The following TRIM54 variants were observed in gnomAD, a reference collection of about 807,000 sequenced individuals.
TRIM54 encodes the protein tripartite motif-containing protein 54.
Under a neutral mutation model 42.0 loss-of-function variants are expected in TRIM54, and 40 were observed. The observed-to-expected ratio is 0.95, with a 90% CI of 0.74 to 1.24. TRIM54 has a LOEUF of 1.24. TRIM54 is among the 50% of genes most tolerant of loss of function. The pLI, the probability that TRIM54 is intolerant of heterozygous loss-of-function variation, is 0.00. For missense variants in TRIM54, 485 were observed against 480.3 expected (o/e 1.01, Z -0.09); for synonymous variants, 199 against 194.9 (o/e 1.02, Z -0.17).
At chr2:27,290,735 G>C (rs1479089183) in intron 1 of TRIM54, among the ~76,000 whole-genome samples, 6 of 152,212 alleles carry the variant, frequency 3.9e-5, no homozygotes, top group African/African-American at 1.4e-4. Context: ...GAAAACAGCT[G>C]TGATTTCCGT....
chr2:27,298,130 C>T (rs1204928036), intron 1 of TRIM54, among the ~76,000 whole-genome samples: 1 of 152,122 alleles, frequency 6.6e-6, no homozygotes, highest in Non-Finnish European at 1.5e-5. Context: ...CTTGTATCTG[C>T]TTGTACCCCT....
chr2:27,305,868 C>T lies in TRIM54; in HGVS notation c.843+51C>T, dbSNP rs1176987938. On this transcript the variant is annotated intron_variant, in intron 5 of 8. Coordinates refer to ENST00000380075, the MANE Select transcript of TRIM54 (RefSeq NM_187841.3). ...GCTGCACAGTGGCTGGAGTCAGGGC[C>T]TTGGTACCTGGAGTCCCGGGTTCAA... 10 of 1,483,908 alleles carry T rather than the reference C, an allele frequency of 6.7e-6. No individual in the cohort carries two copies. The Admixed American group carries it at 1.2e-4, about 18-fold the overall frequency. The allele number at this position is 1,483,908 out of a possible 1,614,324, so 91.9% of individuals were successfully genotyped here.
intron 3 of TRIM54, 104 bp downstream of exon 3, chr2:27,299,520 A>C (rs1325819014): frequency 3.2e-5 from 49 of 1,538,320 alleles, no homozygotes; most frequent in Middle Eastern, 3.3e-4. Context: ...TTATTTCTTT[A>C]TTTATTTAGA....
chr2:27,305,192 C>CT, intron 4 of TRIM54, 138 bp downstream of exon 4: 1 of 722,644 alleles, frequency 1.4e-6, no homozygotes, highest in South Asian at 1.8e-5. Context: ...GTGGGAGGTG[C>CT]TTTTGCCAGG....
In TRIM54 at chr2:27,305,666, T is replaced by C. The variant is rs1679175677; in HGVS notation, c.692T>C (p.Leu231Pro). 1.2e-6 allele frequency: 2 copies of C among 1,613,444 alleles called. No individual in the cohort carries two copies. Among genetic ancestry groups the C allele is most frequent in the Non-Finnish European group, 1.7e-6 (2 of 1,179,876 alleles). The part of the protein sequence containing the change: ...CAVLEERKGE[L>P]LQALAREQEE... ...GTGCTGGAGGAGCGCAAGGGTGAGCTGCTGCAGGCGCTGGCCCGGGAGCAA... is the reference window on the plus strand; with the variant it reads ...GTGCTGGAGGAGCGCAAGGGTGAGCCGCTGCAGGCGCTGGCCCGGGAGCAA... Residue 231 changes from leucine (L) to proline (P), a missense_variant, in exon 5 of 9, where the codon CTG (leucine) becomes CCG (proline). By Grantham distance (98) the Leu-to-Pro change is moderately conservative (BLOSUM62 -3). Transcript: ENST00000380075.
At chr2:27,283,263 G>A (rs1358389699) in intron 1 of TRIM54, among the ~76,000 whole-genome samples, 1 of 152,176 alleles carries the variant, frequency 6.6e-6, no homozygotes, top group Non-Finnish European at 1.5e-5. Context: ...GAGCATTGTG[G>A]AAAATACGGA....
At chr2:27,287,105 C>T (rs1314417124) in intron 1 of TRIM54, among the ~76,000 whole-genome samples, 2 of 152,232 alleles carry the variant, frequency 1.3e-5, no homozygotes, top group Non-Finnish European at 2.9e-5. Context: ...CTGGATTCTC[C>T]TCTGACGGGT....
At position 27,307,337 on chromosome 2, in the gene TRIM54, G is replaced by GCGCAGACTCGGGTCCTGGA; in HGVS notation, c.*453_*454insGCAGACTCGGGTCCTGGAC. 9.3e-7 allele frequency: 1 copy of GCGCAGACTCGGGTCCTGGA among 1,072,168 alleles called. No homozygotes were observed. The highest frequency in any genetic ancestry group is 1.3e-6 in the Non-Finnish European group (1 of 775,896). The allele number at this position is 1,072,168 out of a possible 1,614,324, so 66.4% of individuals were successfully genotyped here. ...TTGTTCCCCTCCCGCTGGCCCGGGG[G>GCGCAGACTCGGGTCCTGGA]CCCCACCTTCCCACGGGTTCCCACG... On this transcript the variant is annotated 3_prime_UTR_variant, in exon 9 of 9. Coordinates refer to ENST00000380075, the MANE Select transcript of TRIM54 (RefSeq NM_187841.3). The surrounding 1 kb of genome is among the most constrained non-coding windows in gnomAD (Gnocchi z 6.9).
rs931886827 is a variant in TRIM54, at chr2:27,307,063, C to A, written c.*178C>A. 8.8e-6 allele frequency: 2 copies of A among 227,666 alleles called. No individual in the cohort carries two copies. Among genetic ancestry groups the A allele is most frequent in the Non-Finnish European group, 1.7e-5 (2 of 115,568 alleles). The allele number at this position is 227,666 out of a possible 1,614,324, so 14.1% of individuals were successfully genotyped here. The stretch of plus-strand genomic sequence containing the variant: ...AACCCCGCAGCCTGGGCTTCGAAGG[C>A]GACCCGCCCACCATCCTGCCCTTCC... On this transcript the variant is annotated 3_prime_UTR_variant, in exon 9 of 9. Coordinates refer to ENST00000380075, the MANE Select transcript of TRIM54 (RefSeq NM_187841.3). This position sits in a 1 kb window ranked among gnomAD's most constrained non-coding sequence, Gnocchi z 6.9.
At chr2:27,302,176 C>T (rs144085331) in intron 3 of TRIM54, among the ~76,000 whole-genome samples, 7,657 of 151,490 alleles carry the variant, frequency 0.051, 614 homozygotes, top group African/African-American at 0.17. Flanking sequence ...ATAGGCCAGG[C>T]GCGGTGGCTC....
rs3073589 is a variant in TRIM54 at position 27,283,784 on chromosome 2, GCACACA to G, written c.168+917_168+922del. Among the ~76,000 whole-genome samples, 137 of 132,200 alleles carry G rather than the reference GCACACA, an allele frequency of 1.0e-3. 2 individuals are homozygous for G. Among genetic ancestry groups the G allele is most frequent in the Middle Eastern group, 3.8e-3 (1 of 264 alleles). The allele number at this position is 132,200 out of a possible 152,430, so 86.7% of individuals were successfully genotyped here. ...CAAAGGCACACACACACACACGCGC[GCACACA>G]CACACACACACACACACACACACAC... On this transcript the variant is annotated intron_variant, in intron 1 of 8. Coordinates refer to ENST00000380075, the MANE Select transcript of TRIM54 (RefSeq NM_187841.3).
chr2:27,283,868 C>G (rs1326601679), intron 1 of TRIM54, among the ~76,000 whole-genome samples: 3 of 151,950 alleles, frequency 2.0e-5, no homozygotes, highest in Non-Finnish European at 2.9e-5. Context: ...GGTGCAGTGG[C>G]TCACGCCTGT....
At position 27,305,825 on chromosome 2, in the gene TRIM54, C is replaced by T; in HGVS notation, c.843+8C>T. The T allele has an allele frequency of 6.3e-7, 1 of 1,579,882 alleles. No homozygotes were observed. The stretch of plus-strand genomic sequence containing the variant: ...ATGGCGCTGTATCTCCAGGTGGGCT[C>T]TAGGGGAGGGTGGCAGCGCTGCACA... On this transcript the variant is annotated splice_region_variant and intron_variant, in intron 5 of 8. Transcript: ENST00000380075.
chr2:27,289,017 G>A (rs548982354), intron 1 of TRIM54, among the ~76,000 whole-genome samples: 1 of 152,186 alleles, frequency 6.6e-6, no homozygotes, highest in African/African-American at 2.4e-5. Context: ...CTGGATATTA[G>A]TCAGCTGAAA....
chr2:27,298,523 C>T, intron 1 of TRIM54, 44 bp from the exon 2 acceptor site: 4 of 1,564,808 alleles, frequency 2.6e-6, no homozygotes, highest in African/African-American at 1.3e-5. Context: ...CGAGTCCCTT[C>T]ATGCCTCCCC....
chr2:27,301,874 G>T (rs971025592), intron 3 of TRIM54, among the ~76,000 whole-genome samples: 1 of 152,098 alleles, frequency 6.6e-6, no homozygotes, highest in African/African-American at 2.4e-5. Context: ...AAGTCAAGCA[G>T]GCCGGGCGGT....
intron 3 of TRIM54, among the ~76,000 whole-genome samples, chr2:27,304,523 A>T (rs2148204729): frequency 6.7e-6 from 1 of 150,126 alleles, no homozygotes; most frequent in South Asian, 2.2e-4. Context: ...CAGAACGTGC[A>T]GTTCTGGGAG....
At chr2:27,286,743 G>T (rs182092325) in intron 1 of TRIM54, among the ~76,000 whole-genome samples, 1 of 152,174 alleles carries the variant, frequency 6.6e-6, no homozygotes, top group Non-Finnish European at 1.5e-5. Context: ...GCAGAGGGGG[G>T]ATTGTCAAGA....
chr2:27,297,706 A>G (rs1200673175), intron 1 of TRIM54, among the ~76,000 whole-genome samples: 3 of 152,314 alleles, frequency 2.0e-5, no homozygotes, highest in Admixed American at 1.3e-4. Flanking sequence ...GAGGTTGGGC[A>G]TGGTGGCTTA....
Sources: gnomAD v4.1 joint callset for allele counts (sites outside exome capture counted in the v4.1 genomes callset) on GRCh38, gnomAD v4.1.1 for gene constraint, Gnocchi (gnomAD v3.1) non-coding constraint, MANE v1.5 for transcripts, NCBI Gene and HGNC (gene_info 2026-07-23, HGNC 2026-07-21) for gene names.